The following SDK1 variants were observed in gnomAD, a reference collection of about 807,000 sequenced individuals.
The protein encoded by SDK1 is sidekick cell adhesion molecule 1.
In SDK1, 157 loss-of-function variants were observed where a neutral mutation model predicts 245.5. The observed-to-expected ratio is 0.64, with a 90% CI of 0.56 to 0.73. SDK1 has a LOEUF of 0.73. SDK1 is among the 30% of genes least tolerant of loss of function. The pLI is 0.00. For synonymous variants in SDK1, 1,647 were observed against 1,278.5 expected (o/e 1.29, Z -6.15); for missense variants, 3,583 against 3,002.3 (o/e 1.19, Z -4.52).
chr7:3,982,082 C>T (rs1373739092), intron 13 of SDK1, among the ~76,000 whole-genome samples: 1 of 152,174 alleles, frequency 6.6e-6, no homozygotes, highest in African/African-American at 2.4e-5. Flanking sequence ...GAGCTGGTGA[C>T]TTTAAGTTGA....
chr7:3,567,216 T>G (rs1779950515), intron 1 of SDK1, among the ~76,000 whole-genome samples: 1 of 152,196 alleles, frequency 6.6e-6, no homozygotes, highest in Non-Finnish European at 1.5e-5. Context: ...AGAACAGTGC[T>G]TTGATGTTTG....
intron 40 of SDK1, among the ~76,000 whole-genome samples, chr7:4,222,038 GT>G (rs1391668628): frequency 6.6e-6 from 1 of 152,192 alleles, no homozygotes; most frequent in Non-Finnish European, 1.5e-5. Context: ...TGGTTGCACA[GT>G]TAATCATGAA....
At chr7:4,188,864 C>G (rs953630328) in intron 35 of SDK1, among the ~76,000 whole-genome samples, 1 of 152,168 alleles carries the variant, frequency 6.6e-6, no homozygotes, top group Admixed American at 6.5e-5. Flanking sequence ...TTCTTACACA[C>G]AGTCAAGTCT....
chr7:3,663,259 G>A (rs1783422017), intron 4 of SDK1, among the ~76,000 whole-genome samples: 1 of 152,182 alleles, frequency 6.6e-6, no homozygotes, highest in Non-Finnish European at 1.5e-5. Context: ...TAATAGTACA[G>A]TGTCCTACAT....
chr7:3,994,766 C>T (rs925734737), intron 14 of SDK1, among the ~76,000 whole-genome samples: 1 of 152,178 alleles, frequency 6.6e-6, no homozygotes, highest in Non-Finnish European at 1.5e-5. Context: ...AAATCCACTG[C>T]CCTGCCCTTC....
rs1783679774 is a variant in SDK1, at chr7:4,198,002, C to T, written c.5099-7877C>T. Among the ~76,000 whole-genome samples, 3 of 152,190 alleles carry T rather than the reference C, an allele frequency of 2.0e-5. No individual in the cohort carries two copies. The South Asian group carries it at 6.2e-4, about 32-fold the overall frequency. On this transcript the variant is annotated intron_variant, in intron 35 of 44. Coordinates refer to ENST00000404826, the MANE Select transcript of SDK1 (RefSeq NM_152744.4). ...GCTCAGCTCATCCGTGGGACCAGGA[C>T]GCACAGGCCTGCCCACTGCATCTAA...
At position 4,267,862 on chromosome 7, in the gene SDK1, C is replaced by T; in HGVS notation, c.*2478C>T. ...GCTGGACTGTGCTTAGGACAGCGCC[C>T]ATGCCTCGGAGGGACTCTGTCCCAT... On this transcript the variant is annotated 3_prime_UTR_variant, in exon 45 of 45. Coordinates refer to ENST00000404826, the MANE Select transcript of SDK1 (RefSeq NM_152744.4). 1.0e-6 allele frequency: 1 copy of T among 985,584 alleles called. No homozygotes were observed. Among genetic ancestry groups the T allele is most frequent in the Non-Finnish European group, 1.2e-6 (1 of 830,056 alleles). 61.1% of individuals were successfully genotyped at this position (985,584 alleles called of 1,614,324 possible).
rs188603357 is a variant in SDK1, at chr7:3,566,891, C to A, written c.299-52189C>A. ...GCAGTAAAATGATATCCTTATTACA[C>A]TAGCAAGAGTTGGCTGAGGATGGTA... is the stretch of plus-strand genomic sequence containing the variant. On this transcript the variant is annotated intron_variant, in intron 1 of 44. Coordinates refer to ENST00000404826, the MANE Select transcript of SDK1 (RefSeq NM_152744.4). 1.8e-4 allele frequency among the ~76,000 whole-genome samples: 27 copies of A among 152,148 alleles called. No homozygotes were observed. In the East Asian group the frequency reaches 3.7e-3, roughly 21 times the overall value.
intron 1 of SDK1, among the ~76,000 whole-genome samples, chr7:3,351,042 C>T (rs1355588899): frequency 6.6e-6 from 1 of 152,116 alleles, no homozygotes; most frequent in South Asian, 2.1e-4. Context: ...GATAATATAT[C>T]TTAGTTTCAC....
intron 1 of SDK1, among the ~76,000 whole-genome samples, chr7:3,410,732 A>G (rs937322210): frequency 6.6e-6 from 1 of 151,894 alleles, no homozygotes; most frequent in African/African-American, 2.4e-5. Flanking sequence ...GGTTACAGGC[A>G]CACACTACCA....
intron 5 of SDK1, among the ~76,000 whole-genome samples, chr7:3,856,520 G>A (rs900099562): frequency 1.3e-5 from 2 of 150,308 alleles, no homozygotes; most frequent in Admixed American, 1.3e-4. Context: ...GCCGGGCATG[G>A]TGGCTCACGC....
At chr7:4,088,126 T>C (rs897411049) in intron 22 of SDK1, among the ~76,000 whole-genome samples, 2 of 152,182 alleles carry the variant, frequency 1.3e-5, no homozygotes, top group African/African-American at 2.4e-5. Flanking sequence ...TGAAGCCGGA[T>C]TGGAGCCTGC....
At chr7:3,965,328 C>T (rs1331257266) in intron 9 of SDK1, among the ~76,000 whole-genome samples, 1 of 152,060 alleles carries the variant, frequency 6.6e-6, no homozygotes, top group East Asian at 1.9e-4. Flanking sequence ...TTTTCTCATC[C>T]ATTAAAATGG....
intron 1 of SDK1, among the ~76,000 whole-genome samples, chr7:3,329,043 G>T (rs1454991361): frequency 6.6e-6 from 1 of 152,086 alleles, no homozygotes; most frequent in Non-Finnish European, 1.5e-5. Flanking sequence ...CACCGATGCC[G>T]TTTATCCCCT....
rs1780835333 is a variant in SDK1 at position 3,866,891 on chromosome 7, A to G, written c.847+45308A>G. Among the ~76,000 whole-genome samples, 3 of 152,284 alleles carry G rather than the reference A, an allele frequency of 2.0e-5. No homozygotes were observed. In the South Asian group the frequency reaches 6.2e-4, roughly 32 times the overall value. ...TGAACCCATTAGCCATGGGAGCTGG[A>G]CTGCCGAGAGAACACGTGGCCTCCA... On this transcript the variant is annotated intron_variant, in intron 5 of 44. Coordinates refer to ENST00000404826, the MANE Select transcript of SDK1 (RefSeq NM_152744.4).
intron 14 of SDK1, among the ~76,000 whole-genome samples, chr7:3,992,087 T>A (rs1784371495): frequency 1.3e-5 from 2 of 152,204 alleles, no homozygotes; most frequent in African/African-American, 4.8e-5. Context: ...CAGCTCCTCC[T>A]GGCAGGCTGA....
chr7:4,149,280 G>A lies in SDK1; in HGVS notation c.4442G>A (p.Arg1481Lys). The change falls in exon 30 of 45, where the codon AGA becomes AAA. Residue 1481 changes from arginine (R) to lysine (K), a missense_variant. By Grantham distance (26) the Arg-to-Lys change is conservative. Transcript: ENST00000404826. ...TEKRERPAPP[R>K]ELLVPQAEVT... ...GTTGCAGAGCGGCCGGCACCCCCCA[G>A]AGAGCTCCTGGTGCCCCAGGCAGAA... is the stretch of plus-strand genomic sequence containing the variant. 1 of 1,544,954 alleles carries A rather than the reference G, an allele frequency of 6.5e-7. No individual in the cohort carries two copies. The highest frequency in any genetic ancestry group is 8.7e-7 in the Non-Finnish European group (1 of 1,145,632).
intron 1 of SDK1, among the ~76,000 whole-genome samples, chr7:3,425,822 T>G (rs1270754844): frequency 6.6e-6 from 1 of 152,220 alleles, no homozygotes; most frequent in East Asian, 1.9e-4. Context: ...GATGATCTTT[T>G]ACCTACACTT....
chr7:4,017,743 A>T (rs1271159366), intron 17 of SDK1, among the ~76,000 whole-genome samples: 1 of 152,208 alleles, frequency 6.6e-6, no homozygotes, highest in African/African-American at 2.4e-5. Context: ...GATTATTCAC[A>T]GTTTTATTTT....
Sources: allele counts gnomAD v4.1 joint callset (sites outside exome capture counted in the v4.1 genomes callset), GRCh38; gene constraint gnomAD v4.1.1; transcripts MANE v1.5; gene names NCBI Gene and HGNC (gene_info 2026-07-23, HGNC 2026-07-21).